SPAG17: variants seen among roughly 807,000 people sequenced by gnomAD.
SPAG17 encodes sperm-associated antigen 17.
SPAG17 carries 169 observed loss-of-function variants against 273.6 expected under a neutral mutation model. That is an observed-to-expected ratio of 0.62 (90% CI 0.55 to 0.70). The LOEUF is 0.70. Among genes scored for constraint, SPAG17 ranks in the 30% least tolerant of loss-of-function variants. The pLI, the probability that SPAG17 is intolerant of heterozygous loss-of-function variation, is 0.00. For missense variants in SPAG17, 2,557 were observed against 2,627.8 expected, an observed-to-expected ratio of 0.97 and a Z score of 0.59; for synonymous variants, 825 against 873.2, an observed-to-expected ratio of 0.94 and a Z score of 0.97.
At chr1:117,989,824 C>T (rs986601136) in intron 38 of SPAG17, among the ~76,000 whole-genome samples, 2 of 152,022 alleles carry the variant, frequency 1.3e-5, no homozygotes, top group Non-Finnish European at 2.9e-5. Flanking sequence ...AAGAGAACCA[C>T]CCACTTTGGC....
At chr1:118,028,941 A>G (rs1486204508) in intron 25 of SPAG17, among the ~76,000 whole-genome samples, 1 of 152,198 alleles carries the variant, frequency 6.6e-6, no homozygotes, top group Non-Finnish European at 1.5e-5. Flanking sequence ...GTGAGGACAC[A>G]TTGAAGGAAC....
intron 41 of SPAG17, 113 bp downstream of exon 41, chr1:117,984,570 C>T (rs1362563825): frequency 6.0e-6 from 4 of 670,712 alleles, no homozygotes; most frequent in Admixed American, 2.9e-5. Context: ...TCAGCCAGGT[C>T]GATGCAGGAA....
chr1:118,110,010 C>G (rs1006387338), intron 4 of SPAG17, among the ~76,000 whole-genome samples: 4 of 152,214 alleles, frequency 2.6e-5, no homozygotes, highest in African/African-American at 9.6e-5. Flanking sequence ...AAATGGAGAA[C>G]TAGGTCTAAG....
chr1:118,184,965 G>A lies in SPAG17; in HGVS notation c.87+106C>T, dbSNP rs940620472. ...TGGGTCCTGGAACCATCAGGCCACG[G>A]AGAGATACGGAAGAGAGGGCGAGCC... On this transcript the variant is annotated intron_variant, in intron 1 of 48. Coordinates refer to ENST00000336338, the MANE Select transcript of SPAG17 (RefSeq NM_206996.4). The A allele has an allele frequency of 4.3e-6, 4 of 938,788 alleles. No individual in the cohort carries two copies. In the African/African-American group the frequency reaches 4.9e-5, roughly 12 times the overall value. 58.2% of individuals were successfully genotyped at this position (938,788 alleles called of 1,614,324 possible).
At chr1:118,045,050 G>T (rs888620717) in intron 20 of SPAG17, among the ~76,000 whole-genome samples, 1 of 152,048 alleles carries the variant, frequency 6.6e-6, no homozygotes, top group Non-Finnish European at 1.5e-5. Context: ...AATGAGTAAG[G>T]GCAAAATAAA....
chr1:118,134,197 C>T (rs1217157987), intron 3 of SPAG17, among the ~76,000 whole-genome samples: 1 of 152,062 alleles, frequency 6.6e-6, no homozygotes, highest in Admixed American at 6.5e-5. Flanking sequence ...TATTGGTAAA[C>T]AGTCTAAATT....
chr1:118,002,438 T>C lies in SPAG17; in HGVS notation c.4776+2976A>G, dbSNP rs193052259. ...GACAGTGGGGTGTTAAAATCTCCCA[T>C]TACTATTGTGTGGGAGTCTAAGTCT... is the stretch of plus-strand genomic sequence containing the variant. On this transcript the variant is annotated intron_variant, in intron 32 of 48. Transcript: ENST00000336338. 2.0e-3 allele frequency among the ~76,000 whole-genome samples: 301 copies of C among 152,300 alleles called. 1 individual carries two copies. The highest frequency in any genetic ancestry group is 6.9e-3 in the Admixed American group (106 of 15,298).
At chr1:118,151,524 C>A (rs1316776179) in intron 1 of SPAG17, among the ~76,000 whole-genome samples, 155 bp from the exon 2 acceptor site, 1 of 152,230 alleles carries the variant, frequency 6.6e-6, no homozygotes, top group African/African-American at 2.4e-5. Context: ...ATTGAAGTAG[C>A]CGCAAGGCGG....
rs531410783 is a variant in SPAG17, at chr1:118,036,898, C to T, written c.3320-15G>A. ...ATCTGATACTTCTAAAATACAAAATCGAATCAAGAACATTTTCATTTAATT... is the reference window on the plus strand; with the variant it reads ...ATCTGATACTTCTAAAATACAAAATTGAATCAAGAACATTTTCATTTAATT... On this transcript the variant is annotated splice_polypyrimidine_tract_variant and intron_variant, in intron 23 of 48. Transcript: ENST00000336338. 4.7e-5 allele frequency: 71 copies of T among 1,497,516 alleles called. No individual in the cohort carries two copies. The highest frequency in any genetic ancestry group is 4.2e-4 in the African/African-American group (30 of 71,942). The allele number at this position is 1,497,516 out of a possible 1,614,324, so 92.8% of individuals were successfully genotyped here.
At chr1:118,156,499 G>C (rs1659658217) in intron 1 of SPAG17, among the ~76,000 whole-genome samples, 1 of 152,168 alleles carries the variant, frequency 6.6e-6, no homozygotes, top group Non-Finnish European at 1.5e-5. Context: ...ATCTAACATG[G>C]TCCATACCAG....
intron 19 of SPAG17, among the ~76,000 whole-genome samples, chr1:118,055,176 ACAT>A (rs1411046346): frequency 6.6e-6 from 1 of 151,928 alleles, no homozygotes; most frequent in Non-Finnish European, 1.5e-5. Flanking sequence ...CACCACCACA[ACAT>A]CATCAACAAC....
Position 117,992,506 on chromosome 1 carries a change from A to G in SPAG17, c.5321T>C (p.Ile1774Thr), listed in dbSNP as rs1657210749. Residue 1774 changes from isoleucine (I) to threonine (T), a missense_variant, in exon 36 of 49, where the codon ATA becomes ACA. Coordinates refer to ENST00000336338, the MANE Select transcript of SPAG17 (RefSeq NM_206996.4). ...CAGCCTCAGTTTCACCTCATTCTTT[A>G]TGACCTCATGCTGAATGAATTGGCG... ...QMRQFIQHEV[I>T]KNEVKLRLQV... 6.2e-7 allele frequency: 1 copy of G among 1,612,860 alleles called. No homozygotes were observed. The highest frequency in any genetic ancestry group is 1.1e-5 in the South Asian group (1 of 90,878).
Position 118,005,520 on chromosome 1 carries a change from T to C in SPAG17, c.4670A>G (p.Tyr1557Cys). 1.2e-6 allele frequency: 2 copies of C among 1,612,850 alleles called. No homozygotes were observed. The highest frequency in any genetic ancestry group is 1.7e-6 in the Non-Finnish European group (2 of 1,179,328). Residue 1557 changes from tyrosine to cysteine, a missense_variant, in exon 32 of 49, where the codon TAC (tyrosine) becomes TGC (cysteine). Coordinates refer to ENST00000336338, the MANE Select transcript of SPAG17 (RefSeq NM_206996.4). ...CTGCTCACGCTTTTGAAAAGGATAG[T>C]ATATATTACTGCTTGACTCATGGCA... Reference protein sequence around the residue: ...VYCHESSSNIYYPFQKREQLR... With the variant: ...VYCHESSSNICYPFQKREQLR...
At chr1:118,024,128 T>C (rs376078348) in intron 27 of SPAG17, among the ~76,000 whole-genome samples, 61 of 152,200 alleles carry the variant, frequency 4.0e-4, no homozygotes, top group African/African-American at 1.4e-3. Context: ...TCAGTTCTTA[T>C]TATCATTCGG....
chr1:118,084,965 C>T (rs565993141), intron 13 of SPAG17, among the ~76,000 whole-genome samples: 1 of 152,130 alleles, frequency 6.6e-6, no homozygotes, highest in Non-Finnish European at 1.5e-5. Flanking sequence ...TTTCTAGATA[C>T]AAATTTAATT....
At chr1:117,981,679 T>C (rs1224737097) in intron 42 of SPAG17, among the ~76,000 whole-genome samples, 1 of 152,234 alleles carries the variant, frequency 6.6e-6, no homozygotes, top group African/African-American at 2.4e-5. Context: ...GACTAAATAG[T>C]AGAGTTGTCA....
At chr1:118,084,411 T>C (rs555148114) in intron 13 of SPAG17, among the ~76,000 whole-genome samples, 62 of 152,372 alleles carry the variant, frequency 4.1e-4, no homozygotes, top group African/African-American at 1.5e-3. Flanking sequence ...TAAAGATGTC[T>C]GTGGAAGTTA....
chr1:118,094,354 A>C (rs1655577809), intron 7 of SPAG17, among the ~76,000 whole-genome samples: 1 of 152,226 alleles, frequency 6.6e-6, no homozygotes, highest in African/African-American at 2.4e-5. Context: ...AAGGACAACA[A>C]ATTATTTCAG....
chr1:118,101,454 C>A (rs144306469), intron 5 of SPAG17, among the ~76,000 whole-genome samples: 314 of 152,162 alleles, frequency 2.1e-3, no homozygotes, highest in African/African-American at 7.2e-3. Context: ...AAATGAATTG[C>A]AAATAGAAGT....
Sources: gnomAD v4.1 joint callset for allele counts (sites outside exome capture counted in the v4.1 genomes callset) on GRCh38, gnomAD v4.1.1 for gene constraint, MANE v1.5 for transcripts, NCBI Gene and HGNC (gene_info 2026-07-23, HGNC 2026-07-21) for gene names.